AVL9: variants seen among roughly 807,000 people sequenced by gnomAD.
The protein encoded by AVL9 is AVL9 cell migration associated.
Under a neutral mutation model 79.2 loss-of-function variants are expected in AVL9, and 49 were observed. The ratio of observed to expected loss-of-function variants is 0.62; its 90% confidence interval spans 0.49 to 0.79. AVL9 has a LOEUF of 0.79. Among genes scored for constraint, AVL9 ranks in the 30% least tolerant of loss-of-function variants. The pLI, the probability that AVL9 is intolerant of heterozygous loss-of-function variation, is 0.00. For missense variants in AVL9, 682 were observed against 776.8 expected (o/e 0.88, Z 1.45); for synonymous variants, 299 against 280.6 (o/e 1.07, Z -0.65).
chr7:32,511,396 G>A (rs1395720759), intron 1 of AVL9, among the ~76,000 whole-genome samples: 2 of 140,338 alleles, frequency 1.4e-5, no homozygotes, highest in Non-Finnish European at 3.1e-5. Flanking sequence ...TCTCCAGGGT[G>A]AGATTTGTGA....
At chr7:32,499,710 T>C (rs926378437) in intron 1 of AVL9, among the ~76,000 whole-genome samples, 2 of 152,132 alleles carry the variant, frequency 1.3e-5, no homozygotes, top group South Asian at 4.1e-4. Context: ...AAGCCCCATA[T>C]GCATTAGGTA....
Position 32,587,114 on chromosome 7 carries a change from A to G in AVL9, c.*3207A>G, listed in dbSNP as rs1791828729. 1 of 152,256 alleles carries G rather than the reference A, an allele frequency of 6.6e-6. No individual in the cohort carries two copies. The highest frequency in any genetic ancestry group is 6.5e-5 in the Admixed American group (1 of 15,290). The allele number at this position is 152,256 out of a possible 1,614,324, so 9.4% of individuals were successfully genotyped here. On this transcript the variant is annotated 3_prime_UTR_variant, in exon 16 of 16. Transcript: ENST00000318709. The stretch of plus-strand genomic sequence containing the variant: ...CTTGCTCAACCTTATCTTCCTTTCC[A>G]AATTCTATACTAAGCATCTGATGTT...
At position 32,559,363 on chromosome 7, in the gene AVL9, G is replaced by C. The variant is rs1450602851; in HGVS notation, c.1114G>C (p.Val372Leu). The C allele has an allele frequency of 4.3e-6, 7 of 1,614,040 alleles. No individual in the cohort carries two copies. Among genetic ancestry groups the C allele is most frequent in the Non-Finnish European group, 5.9e-6 (7 of 1,180,022 alleles). Residue 372 changes from valine (V) to leucine (L), a missense_variant, in exon 10 of 16, where the codon GTA (valine) becomes CTA (leucine). By Grantham distance (32) the Val-to-Leu change is conservative. Coordinates refer to ENST00000318709, the MANE Select transcript of AVL9 (RefSeq NM_015060.3). ...SVPSESLPIT[V>L]QPQANTGQVV... ...CCCCTCAGAGAGTCTTCCAATTACT[G>C]TACAACCTCAAGCTAATACGGGACA...
At chr7:32,547,029 C>T (rs1362411921) in intron 3 of AVL9, among the ~76,000 whole-genome samples, 1 of 152,070 alleles carries the variant, frequency 6.6e-6, no homozygotes, top group African/African-American at 2.4e-5. Context: ...AGCTAGCATT[C>T]TAAAGTAGCA....
At chr7:32,565,510 G>A (rs1429356373) in intron 10 of AVL9, among the ~76,000 whole-genome samples, 3 of 148,532 alleles carry the variant, frequency 2.0e-5, no homozygotes, top group Non-Finnish European at 4.4e-5. Flanking sequence ...GATGAGTGGA[G>A]ATCGTGCCAT....
At chr7:32,515,233 G>A (rs1254489181) in intron 1 of AVL9, among the ~76,000 whole-genome samples, 1 of 152,188 alleles carries the variant, frequency 6.6e-6, no homozygotes, top group Non-Finnish European at 1.5e-5. Flanking sequence ...TTTCTAAATT[G>A]ATTCAGACTT....
At chr7:32,503,258 T>G (rs1306101563) in intron 1 of AVL9, among the ~76,000 whole-genome samples, 2 of 150,422 alleles carry the variant, frequency 1.3e-5, no homozygotes, top group Non-Finnish European at 3.0e-5. Flanking sequence ...GGTGGATCAC[T>G]TGAGGCCCGG....
intron 1 of AVL9, among the ~76,000 whole-genome samples, chr7:32,512,226 G>A (rs1389910435): frequency 6.6e-6 from 1 of 152,200 alleles, no homozygotes; most frequent in African/African-American, 2.4e-5. Context: ...CATAGGCAAA[G>A]ATTGATCAAG....
chr7:32,543,919 T>C (rs1789341189), intron 2 of AVL9, among the ~76,000 whole-genome samples: 1 of 151,878 alleles, frequency 6.6e-6, no homozygotes, highest in Non-Finnish European at 1.5e-5. Context: ...CTTTCTTTTT[T>C]TTTTTTGGAG....
At position 32,495,533 on chromosome 7, in the gene AVL9, G is replaced by C; in HGVS notation, c.-177G>C. 4.9e-6 allele frequency: 2 copies of C among 404,422 alleles called. No homozygotes were observed. The highest frequency in any genetic ancestry group is 8.8e-6 in the Non-Finnish European group (2 of 228,528). The allele number at this position is 404,422 out of a possible 1,614,324, so 25.1% of individuals were successfully genotyped here. On this transcript the variant is annotated 5_prime_UTR_variant, in exon 1 of 16. Coordinates refer to ENST00000318709, the MANE Select transcript of AVL9 (RefSeq NM_015060.3). ...AAGCTGCGGAAGCGGATGAGGGAAGGGCGGCCGTGGCCCTGGGGGCGGCGG... is the reference window on the plus strand; with the variant it reads ...AAGCTGCGGAAGCGGATGAGGGAAGCGCGGCCGTGGCCCTGGGGGCGGCGG...
In AVL9 at chr7:32,586,469, C is replaced by CCCCCG. The variant is rs1554350217; in HGVS notation, c.*2566_*2567insGCCCC. ...TCACCCCTGGTCCTGTGACCCCCCC[C>CCCCCG]CCCCACACACACACATACTTCAGGC... On this transcript the variant is annotated 3_prime_UTR_variant, in exon 16 of 16. Coordinates refer to ENST00000318709, the MANE Select transcript of AVL9 (RefSeq NM_015060.3). 9 of 135,292 alleles carry CCCCCG rather than the reference C, an allele frequency of 6.7e-5. No homozygotes were observed. The highest frequency in any genetic ancestry group is 3.6e-4 in the Admixed American group (5 of 13,850). The allele number at this position is 135,292 out of a possible 1,614,324, so 8.4% of individuals were successfully genotyped here.
intron 10 of AVL9, 43 bp from the exon 11 acceptor site, chr7:32,569,977 C>G (rs1227860866): frequency 6.3e-7 from 1 of 1,595,982 alleles, no homozygotes; most frequent in Non-Finnish European, 8.6e-7. Flanking sequence ...GAAAGGTAAC[C>G]TTTTACTTTT....
Position 32,580,238 on chromosome 7 carries a change from T to A in AVL9, c.1708T>A (p.Tyr570Asn). ...TTACAGCCATCCATTTCAAGGCCAA[T>A]ACTCAGTATCAGACATGAAGTTAAG... Reference protein sequence around the residue: ...INPNHPFQGQYSVSDMKLRFS... With the variant: ...INPNHPFQGQNSVSDMKLRFS... The change falls in exon 14 of 16, where the codon TAC becomes AAC. Residue 570 changes from tyrosine (Y) to asparagine (N), a missense_variant. Tyr to Asn is a moderately radical substitution (Grantham distance 143). Coordinates refer to ENST00000318709, the MANE Select transcript of AVL9 (RefSeq NM_015060.3). 6.2e-7 allele frequency: 1 copy of A among 1,612,784 alleles called. No homozygotes were observed.
chr7:32,578,607 AG>A (rs1430873897), intron 13 of AVL9, among the ~76,000 whole-genome samples: 1 of 152,182 alleles, frequency 6.6e-6, no homozygotes, highest in Non-Finnish European at 1.5e-5. Flanking sequence ...CAGGAGTTCA[AG>A]ACCAGCCTGG....
At chr7:32,557,865 T>TTCTTTG (rs1554343391) in intron 8 of AVL9, among the ~76,000 whole-genome samples, 1 of 148,120 alleles carries the variant, frequency 6.8e-6, no homozygotes, top group Non-Finnish European at 1.5e-5. Flanking sequence ...TTTTTTTTTT[T>TTCTTTG]TTTTTTTTGA....
intron 1 of AVL9, among the ~76,000 whole-genome samples, chr7:32,527,962 C>A (rs960407219): frequency 6.6e-6 from 1 of 152,128 alleles, no homozygotes; most frequent in African/African-American, 2.4e-5. Flanking sequence ...TTATACCCCT[C>A]CAGCATTAAC....
At chr7:32,517,540 G>A (rs1233663964) in intron 1 of AVL9, among the ~76,000 whole-genome samples, 3 of 151,584 alleles carry the variant, frequency 2.0e-5, no homozygotes, top group African/African-American at 4.8e-5. Context: ...TCCTGACCTC[G>A]TGATCCACCC....
At position 32,573,385 on chromosome 7, in the gene AVL9, A is replaced by G; in HGVS notation, c.1537A>G (p.Ile513Val). Residue 513 changes from isoleucine (I) to valine (V), a missense_variant, in exon 12 of 16, where the codon ATT becomes GTT. Ile to Val is a conservative substitution (Grantham distance 29, BLOSUM62 3). Transcript: ENST00000318709. ...GATCCGGGCCCAGTTTGCGGTCTAC[A>G]TTCATGCCCTGCTGGCTGCCACACT... Reference protein sequence around the residue: ...EWIRAQFAVYIHALLAATLQL... With the variant: ...EWIRAQFAVYVHALLAATLQL... 1.2e-6 allele frequency: 2 copies of G among 1,613,746 alleles called. No individual in the cohort carries two copies. The highest frequency in any genetic ancestry group is 1.7e-5 in the Admixed American group (1 of 59,876).
intron 7 of AVL9, among the ~76,000 whole-genome samples, chr7:32,554,326 A>G (rs1789966330): frequency 6.6e-6 from 1 of 152,214 alleles, no homozygotes; most frequent in Non-Finnish European, 1.5e-5. Flanking sequence ...TCAAGCAAAA[A>G]TGGTACCACC....
Sources: gnomAD v4.1 joint callset for allele counts (sites outside exome capture counted in the v4.1 genomes callset) on GRCh38, gnomAD v4.1.1 for gene constraint, MANE v1.5 for transcripts, NCBI Gene and HGNC (gene_info 2026-07-23, HGNC 2026-07-21) for gene names.